SGSM1: variants seen among roughly 807,000 people sequenced by gnomAD.
SGSM1 encodes RUN and TBC1 domain containing 2.
A neutral mutation model predicts 133.8 loss-of-function variants in SGSM1; 73 were observed. That is an observed-to-expected ratio of 0.55 (90% confidence interval 0.45 to 0.66). The LOEUF (loss-of-function observed/expected upper bound fraction) is 0.66. Among genes scored for constraint, SGSM1 ranks in the 30% least tolerant of loss-of-function variants. The probability of loss-of-function intolerance (pLI) is 0.00; values close to 1 mark genes in which losing one functional copy is unlikely to be tolerated. For missense variants in SGSM1, 1,213 were observed against 1,448.1 expected, an observed-to-expected ratio of 0.84 and a Z score of 2.64; for synonymous variants, 563 against 573.0, an observed-to-expected ratio of 0.98 and a Z score of 0.25.
intron 16 of SGSM1, 130 bp downstream of exon 16, chr22:24,886,858 G>A: frequency 4.1e-6 from 5 of 1,224,922 alleles, no homozygotes; most frequent in Non-Finnish European, 5.5e-6. Flanking sequence ...GGAACCTGAA[G>A]GCGGCGCTGT....
At chr22:24,907,492 T>A (rs572313243) in intron 21 of SGSM1, among the ~76,000 whole-genome samples, 2 of 151,726 alleles carry the variant, frequency 1.3e-5, no homozygotes, top group African/African-American at 4.8e-5. Flanking sequence ...GTCAGTGCAA[T>A]CTCTGTCAAA....
Position 24,844,934 on chromosome 22 carries a change from T to C in SGSM1, c.101T>C (p.Phe34Ser), listed in dbSNP as rs1210651282. The change falls in exon 3 of 25, where the codon TTT becomes TCT. Residue 34 changes from phenylalanine (F) to serine (S), a missense_variant. Transcript: ENST00000400358. ...ATGGAGGAGGCTGTGACACGCAAGT[T>C]TGTCCACGAAGACAGCAGCCACATC... ...QIMEEAVTRK[F>S]VHEDSSHIIS... is the part of the protein sequence containing the mutation. The C allele has an allele frequency of 3.7e-6, 6 of 1,613,644 alleles. No individual in the cohort carries two copies. Among genetic ancestry groups the C allele is most frequent in the Non-Finnish European group, 5.1e-6 (6 of 1,179,860 alleles).
intron 14 of SGSM1, among the ~76,000 whole-genome samples, chr22:24,880,614 A>G (rs1219527751): frequency 6.6e-6 from 1 of 152,238 alleles, no homozygotes; most frequent in East Asian, 1.9e-4. Flanking sequence ...TGACTTCACT[A>G]GGACAGGGGT....
chr22:24,887,598 G>A (rs1160134533), intron 16 of SGSM1, among the ~76,000 whole-genome samples: 2 of 152,160 alleles, frequency 1.3e-5, no homozygotes, highest in African/African-American at 2.4e-5. Flanking sequence ...GGATAAATGA[G>A]TAAGAATGTA....
At chr22:24,820,476 A>G (rs142726762) in intron 2 of SGSM1, among the ~76,000 whole-genome samples, 70 of 152,328 alleles carry the variant, frequency 4.6e-4, no homozygotes, top group African/African-American at 1.5e-3. Context: ...ATAAGCCCCA[A>G]TAACCATGTT....
intron 20 of SGSM1, among the ~76,000 whole-genome samples, chr22:24,904,385 C>G (rs937329247): frequency 6.6e-6 from 1 of 151,952 alleles, no homozygotes; most frequent in Admixed American, 6.6e-5. Context: ...TCGAGACCAT[C>G]CTGGCTAACA....
intron 2 of SGSM1, among the ~76,000 whole-genome samples, chr22:24,820,049 G>C (rs1228934810): frequency 1.3e-5 from 2 of 152,060 alleles, no homozygotes; most frequent in Non-Finnish European, 2.9e-5. Flanking sequence ...GCAGTGGGCA[G>C]GCACCCAGGA....
chr22:24,855,900 C>T, intron 8 of SGSM1: 1 of 719,016 alleles, frequency 1.4e-6, no homozygotes, highest in Middle Eastern at 2.3e-4. Flanking sequence ...CATCCATCCA[C>T]CCATTGTCAC....
At chr22:24,821,519 GT>G (rs1211253555) in intron 2 of SGSM1, among the ~76,000 whole-genome samples, 1 of 152,168 alleles carries the variant, frequency 6.6e-6, no homozygotes, top group Non-Finnish European at 1.5e-5. Context: ...TCCCCTGAAT[GT>G]CCCCCTGGGG....
intron 8 of SGSM1, among the ~76,000 whole-genome samples, chr22:24,857,742 C>T (rs550259311): frequency 2.0e-5 from 3 of 152,336 alleles, no homozygotes; most frequent in Admixed American, 6.5e-5. Flanking sequence ...TAACAATCAT[C>T]TGTGCCTCTA....
intron 18 of SGSM1, among the ~76,000 whole-genome samples, chr22:24,896,628 T>G (rs918237429): frequency 4.5e-5 from 5 of 112,264 alleles, no homozygotes; most frequent in East Asian, 2.2e-4. Flanking sequence ...TGTTTTTTGG[T>G]TTTTTTTTTT....
At position 24,924,585 on chromosome 22, in the gene SGSM1, TCTC is replaced by T. The variant is rs1339822437; in HGVS notation, c.*315_*317del. ...CTTTGTTTGCTGGTGCCCGGAATGG[TCTC>T]CTCTTCTTCTTTCCCTATCCCTCCA... On this transcript the variant is annotated 3_prime_UTR_variant, in exon 25 of 25. Coordinates refer to ENST00000400358, the MANE Select transcript of SGSM1 (RefSeq NM_001098497.3). The T allele has an allele frequency of 2.5e-6, 1 of 404,150 alleles. No individual in the cohort carries two copies. Among genetic ancestry groups the T allele is most frequent in the African/African-American group, 2.0e-5 (1 of 49,590 alleles). The allele number at this position is 404,150 out of a possible 1,614,324, so 25.0% of individuals were successfully genotyped here.
intron 18 of SGSM1, among the ~76,000 whole-genome samples, chr22:24,895,645 T>C (rs1404794278): frequency 1.3e-5 from 2 of 152,198 alleles, no homozygotes; most frequent in Non-Finnish European, 2.9e-5. Flanking sequence ...ATAGCAATGT[T>C]TGGTAGTTGT....
At chr22:24,874,917 T>A (rs1035810193) in intron 12 of SGSM1, among the ~76,000 whole-genome samples, 3 of 152,232 alleles carry the variant, frequency 2.0e-5, no homozygotes, top group African/African-American at 7.2e-5. Context: ...TTACAGGGGC[T>A]TACTGATCTT....
intron 14 of SGSM1, among the ~76,000 whole-genome samples, chr22:24,881,612 A>G (rs936170677): frequency 1.3e-5 from 2 of 152,110 alleles, no homozygotes; most frequent in Non-Finnish European, 2.9e-5. Flanking sequence ...AGCAACAACA[A>G]CAAAAATAGT....
intron 3 of SGSM1, among the ~76,000 whole-genome samples, chr22:24,845,941 T>TTTTCTTTCTTTCTTTCTTTC (rs200470528): frequency 4.3e-5 from 5 of 115,622 alleles, no homozygotes; most frequent in African/African-American, 1.0e-4. Context: ...TTTTCTTTTC[T>TTTTCTTTCTTTCTTTCTTTC]TTTCTTTCTT....
intron 13 of SGSM1, among the ~76,000 whole-genome samples, chr22:24,877,266 C>G (rs945465631): frequency 2.0e-5 from 3 of 152,152 alleles, no homozygotes; most frequent in Admixed American, 2.0e-4. Context: ...CAGTTTGCAC[C>G]CCCACACAGT....
Position 24,855,712 on chromosome 22 carries a change from C to T in SGSM1, c.801+32C>T, listed in dbSNP as rs202120385. ...GGTTATCTTGGGCCTAGATCTTGCA[C>T]TGAGGGTCTCACTCCAGGTTATAGA... On this transcript the variant is annotated intron_variant, in intron 8 of 24. Transcript: ENST00000400358. 1.7e-4 allele frequency: 268 copies of T among 1,613,954 alleles called. 3 individuals are homozygous for T. In the East Asian group the frequency reaches 3.5e-3, roughly 21 times the overall value.
intron 2 of SGSM1, among the ~76,000 whole-genome samples, chr22:24,824,667 G>A (rs1410083069): frequency 1.3e-5 from 2 of 152,144 alleles, no homozygotes; most frequent in African/African-American, 4.8e-5. Flanking sequence ...AGTCACGGGC[G>A]ATTTTTTTCT....
Sources: allele counts gnomAD v4.1 joint callset (sites outside exome capture counted in the v4.1 genomes callset), GRCh38; gene constraint gnomAD v4.1.1; transcripts MANE v1.5; gene names NCBI Gene and HGNC (gene_info 2026-07-23, HGNC 2026-07-21).